Variants in KIF1B observed in about 807,000 individuals in gnomAD.
KIF1B encodes the protein kinesin-like protein KIF1B.
KIF1B carries 76 observed loss-of-function variants against 241.9 expected under a neutral mutation model. The observed-to-expected ratio is 0.31, with a 90% CI of 0.26 to 0.38. The LOEUF is 0.38. Ranked by LOEUF, KIF1B falls within the 10% of genes least tolerant of loss-of-function variation. The pLI is 1.00. For synonymous variants in KIF1B, 750 were observed against 796.7 expected (o/e 0.94, Z 0.99); for missense variants, 1,622 against 2,271.4 (o/e 0.71, Z 5.81).
At chr1:10,315,270 C>T (rs897743277) in intron 22 of KIF1B, among the ~76,000 whole-genome samples, 2 of 148,964 alleles carry the variant, frequency 1.3e-5, no homozygotes, top group Non-Finnish European at 3.0e-5. Flanking sequence ...CTACACCTCC[C>T]GGGTTGAAGT....
rs1408422173 is a variant in KIF1B, at chr1:10,273,043, A to G, written c.882+12A>G. On this transcript the variant is annotated intron_variant, in intron 10 of 48. Transcript: ENST00000676179. ...ACTGCACTAGCAAGGTACAGTGGGGATTGGTAGAGATAAACTAGAATTGAC... is the reference window on the plus strand; with the variant it reads ...ACTGCACTAGCAAGGTACAGTGGGGGTTGGTAGAGATAAACTAGAATTGAC... The G allele has an allele frequency of 6.5e-7, 1 of 1,537,104 alleles. No homozygotes were observed. Among genetic ancestry groups the G allele is most frequent in the Non-Finnish European group, 8.8e-7 (1 of 1,136,018 alleles).
At chr1:10,359,966 G>A (rs1387698114) in intron 38 of KIF1B, among the ~76,000 whole-genome samples, 1 of 152,094 alleles carries the variant, frequency 6.6e-6, no homozygotes, top group African/African-American at 2.4e-5. Flanking sequence ...CCAAGAGGCA[G>A]AGGTTGCAGT....
intron 15 of KIF1B, among the ~76,000 whole-genome samples, chr1:10,286,653 C>G (rs1649729822): frequency 6.6e-6 from 1 of 152,150 alleles, no homozygotes; most frequent in South Asian, 2.1e-4. Context: ...TTCTGTGTTT[C>G]CTTAACTGAA....
chr1:10,335,547 C>T (rs984948964), intron 28 of KIF1B, among the ~76,000 whole-genome samples: 1 of 152,226 alleles, frequency 6.6e-6, no homozygotes, highest in African/African-American at 2.4e-5. Flanking sequence ...CCACTGCACC[C>T]AGCCTGGCCT....
chr1:10,271,388 A>G (rs1648791969), intron 7 of KIF1B, 114 bp from the exon 8 acceptor site: 2 of 802,196 alleles, frequency 2.5e-6, no homozygotes, highest in Admixed American at 3.4e-5. Flanking sequence ...AAAAGCTCTA[A>G]TACTTTTAGT....
Position 10,321,762 on chromosome 1 carries a change from A to G in KIF1B, c.2263A>G (p.Lys755Glu), listed in dbSNP as rs1224240798. Residue 755 changes from lysine (K) to glutamate (E), a missense_variant, in exon 24 of 49, where the codon AAG becomes GAG. Transcript: ENST00000676179. ...GGCCCAATGGGCCTTCCGGAAATGG[A>G]AGTCTCATCAGTTTACTTCATTACG... ...ELAQWAFRKW[K>E]SHQFTSLRDL... The G allele has an allele frequency of 1.9e-6, 3 of 1,614,040 alleles. No homozygotes were observed. In the African/African-American group the frequency reaches 4.0e-5, roughly 22 times the overall value.
At chr1:10,254,554 T>C (rs1257894288) in intron 2 of KIF1B, among the ~76,000 whole-genome samples, 1 of 152,150 alleles carries the variant, frequency 6.6e-6, no homozygotes, top group African/African-American at 2.4e-5. Context: ...ACCAAATGCT[T>C]TTCTGAAGTA....
Position 10,376,547 on chromosome 1 carries a change from C to G in KIF1B, c.5411C>G (p.Ser1804Ter). Residue 1804 changes from serine (S) to a stop codon, truncating the protein, a stop_gained and splice_region_variant, in exon 49 of 49, where the codon TCA becomes TGA. Coordinates refer to ENST00000676179, the MANE Select transcript of KIF1B (RefSeq NM_001365951.3). LOFTEE classifies it high-confidence loss of function. ...ACCTCCCCGTTTGTCCCCCATAGGT[C>G]AAAGCTTTCCCGCAGATGCCCGAGC... ...FNPLLAGTIRSKLSRRCPSQS... is the reference protein window; with the variant it reads ...FNPLLAGTIR 6.2e-7 allele frequency: 1 copy of G among 1,613,752 alleles called. No homozygotes were observed. Among genetic ancestry groups the G allele is most frequent in the Non-Finnish European group, 8.5e-7 (1 of 1,179,784 alleles).
rs189815348 is a variant in KIF1B, at chr1:10,218,148, C to T, written c.-80+7270C>T. 1.6e-3 allele frequency among the ~76,000 whole-genome samples: 245 copies of T among 152,240 alleles called. 3 individuals carry two copies. Among genetic ancestry groups the T allele is most frequent in the Non-Finnish European group, 1.9e-3 (129 of 68,006 alleles). On this transcript the variant is annotated intron_variant, in intron 1 of 48. Coordinates refer to ENST00000676179, the MANE Select transcript of KIF1B (RefSeq NM_001365951.3). ...GACAGTGTCATGGATACTGGCATTT[C>T]CCACTTCCGTGCCAACCCACTACAG...
intron 38 of KIF1B, among the ~76,000 whole-genome samples, chr1:10,359,753 G>A (rs577181702): frequency 1.3e-5 from 2 of 151,670 alleles, no homozygotes; most frequent in Non-Finnish European, 2.9e-5. Flanking sequence ...TAAGGCTCTC[G>A]GCCGGCACAG....
chr1:10,277,203 T>A (rs1490953872), intron 12 of KIF1B, among the ~76,000 whole-genome samples: 1 of 151,822 alleles, frequency 6.6e-6, no homozygotes, highest in Non-Finnish European at 1.5e-5. Context: ...CCTAGCTACT[T>A]GGAAAGCTGA....
chr1:10,220,158 C>T (rs1278044859), intron 1 of KIF1B, among the ~76,000 whole-genome samples: 4 of 148,454 alleles, frequency 2.7e-5, no homozygotes, highest in South Asian at 2.1e-4. Context: ...GCCGAGATCG[C>T]GAGCCATTGC....
Position 10,296,991 on chromosome 1 carries a change from C to T in KIF1B, c.1956C>T (p.Thr652=), listed in dbSNP as rs764918303. 3 of 1,613,758 alleles carry T rather than the reference C, an allele frequency of 1.9e-6. No individual in the cohort carries two copies. Among genetic ancestry groups the T allele is most frequent in the East Asian group, 2.2e-5 (1 of 44,892 alleles). ...GAGAGAAGACTCCTTCTGCTGAGAC[C>T]CCCTCTGAGCCTGTGGACTGGACAT... The part of the protein sequence containing the change: ...AEREKTPSAE[T]PSEPVDWTFA... Residue 652 remains threonine (T), a synonymous_variant, in exon 21 of 49, where the codon ACC becomes ACT. Coordinates refer to ENST00000676179, the MANE Select transcript of KIF1B (RefSeq NM_001365951.3).
At chr1:10,271,933 T>C (rs1184764812) in intron 8 of KIF1B, among the ~76,000 whole-genome samples, 2 of 152,180 alleles carry the variant, frequency 1.3e-5, no homozygotes, top group African/African-American at 4.8e-5. Context: ...GCAGTGGGAA[T>C]AGGATATACA....
Position 10,267,458 on chromosome 1 carries a change from G to A in KIF1B, c.508G>A (p.Glu170Lys). 1 of 1,614,200 alleles carries A rather than the reference G, an allele frequency of 6.2e-7. No individual in the cohort carries two copies. Among genetic ancestry groups the A allele is most frequent in the Non-Finnish European group, 8.5e-7 (1 of 1,180,010 alleles). Residue 170 changes from glutamate (E) to lysine (K), a missense_variant, in exon 6 of 49, where the codon GAA (glutamate) becomes AAA (lysine). Transcript: ENST00000676179. ...PKNKGNLRVR[E>K]HPLLGPYVED... is the part of the protein sequence containing the mutation. ...AAACAAGGGTAATTTGCGTGTGCGT[G>A]AACACCCACTTCTTGGACCCTATGT...
At chr1:10,219,384 T>TG (rs1440357601) in intron 1 of KIF1B, among the ~76,000 whole-genome samples, 1 of 149,700 alleles carries the variant, frequency 6.7e-6, no homozygotes, top group East Asian at 2.0e-4. Flanking sequence ...CACTTGAACC[T>TG]GGGAGGCGGA....
Position 10,379,137 on chromosome 1 carries a change from T to C in KIF1B, c.*2550T>C, listed in dbSNP as rs906625816. ...TTTAAAATTAAGTCATTGATGCTGC[T>C]GTTACAGAGTGTGACAGAGGATCCA... On this transcript the variant is annotated 3_prime_UTR_variant, in exon 49 of 49. Transcript: ENST00000676179. The C allele has an allele frequency of 6.9e-5, 16 of 232,120 alleles. No individual in the cohort carries two copies. Among genetic ancestry groups the C allele is most frequent in the African/African-American group, 2.9e-4 (13 of 45,250 alleles). 14.4% of individuals were successfully genotyped at this position (232,120 alleles called of 1,614,324 possible). A position where few individuals can be genotyped will look rare whatever the true frequency, so the allele number is the denominator to read the frequency against.
chr1:10,345,613 G>A (rs1652559828), intron 34 of KIF1B: 1 of 517,696 alleles, frequency 1.9e-6, no homozygotes, highest in Non-Finnish European at 3.5e-6. Flanking sequence ...GAGACAGTTT[G>A]TTGAGAAAAA....
At chr1:10,319,095 C>G (rs1239787343) in intron 22 of KIF1B, among the ~76,000 whole-genome samples, 1 of 147,424 alleles carries the variant, frequency 6.8e-6, no homozygotes, top group Admixed American at 6.7e-5. Flanking sequence ...ATTTGTATTA[C>G]AATAATCCTT....
Sources: allele counts gnomAD v4.1 joint callset (sites outside exome capture counted in the v4.1 genomes callset), GRCh38; gene constraint gnomAD v4.1.1; transcripts MANE v1.5; gene names NCBI Gene and HGNC (gene_info 2026-07-23, HGNC 2026-07-21).